The following EPM2A variants were observed in gnomAD, a reference collection of about 807,000 sequenced individuals.
The protein encoded by EPM2A is EPM2A glucan phosphatase, laforin, also known as laforin.
A neutral mutation model predicts 26.5 loss-of-function variants in EPM2A; 21 were observed. The ratio of observed to expected loss-of-function variants is 0.79; its 90% CI spans 0.56 to 1.14. EPM2A has a LOEUF of 1.14. Among genes scored for constraint, EPM2A ranks in the 50% most tolerant of loss-of-function variants. The pLI, the probability that EPM2A is intolerant of heterozygous loss-of-function variation, is 0.00. For missense variants in EPM2A, 458 were observed against 440.8 expected (o/e 1.04, Z -0.35); for synonymous variants, 217 against 177.6 (o/e 1.22, Z -1.76).
At chr6:145,452,276 T>C (rs1779204609) in intron 4 of EPM2A, among the ~76,000 whole-genome samples, 1 of 152,044 alleles carries the variant, frequency 6.6e-6, no homozygotes, top group African/African-American at 2.4e-5. Context: ...TTTCTTTACC[T>C]GCTGTGTGAC....
At chr6:145,434,889 C>G (rs1168573665) in intron 4 of EPM2A, among the ~76,000 whole-genome samples, 1 of 152,036 alleles carries the variant, frequency 6.6e-6, no homozygotes, top group Non-Finnish European at 1.5e-5. Context: ...AGGTGATTAG[C>G]TTATGGGGCA....
intron 1 of EPM2A, among the ~76,000 whole-genome samples, chr6:145,711,228 T>C (rs190672732): frequency 5.3e-5 from 8 of 152,206 alleles, no homozygotes. Flanking sequence ...ATTATAAAGT[T>C]TGTATTCCCT....
chr6:145,453,152 A>G (rs912020343), intron 4 of EPM2A, among the ~76,000 whole-genome samples: 19 of 152,156 alleles, frequency 1.2e-4, no homozygotes, highest in African/African-American at 4.6e-4. Context: ...CAGGCCCACA[A>G]TCTCTTCCTG....
At chr6:145,570,249 A>G (rs1021190758) in intron 2 of EPM2A, among the ~76,000 whole-genome samples, 1 of 152,210 alleles carries the variant, frequency 6.6e-6, no homozygotes, top group Non-Finnish European at 1.5e-5. Flanking sequence ...AGTATTAACC[A>G]TCACAAGTCC....
intron 4 of EPM2A, among the ~76,000 whole-genome samples, chr6:145,440,682 A>T (rs1055450130): frequency 7.9e-5 from 12 of 152,230 alleles, no homozygotes; most frequent in Admixed American, 1.3e-4. Context: ...GTCAAAACAA[A>T]GGGGCTAAAG....
chr6:145,425,002 C>A (rs756947829), intron 4 of EPM2A, among the ~76,000 whole-genome samples: 3 of 150,442 alleles, frequency 2.0e-5, no homozygotes, highest in Non-Finnish European at 4.4e-5. Context: ...ATCTAATCTA[C>A]GTACTGTATA....
At chr6:145,450,692 T>C (rs896913581) in intron 4 of EPM2A, among the ~76,000 whole-genome samples, 4 of 152,190 alleles carry the variant, frequency 2.6e-5, no homozygotes, top group Non-Finnish European at 4.4e-5. Flanking sequence ...CTGCAGATGC[T>C]TTATTCTGCG....
intron 2 of EPM2A, among the ~76,000 whole-genome samples, chr6:145,596,958 A>AGTCTCGG (rs1170636297): frequency 2.5e-5 from 2 of 79,456 alleles, no homozygotes; most frequent in East Asian, 6.6e-4. Context: ...GCAGTGGCGC[A>AGTCTCGG]ATCTCGGCTC....
intron 4 of EPM2A, among the ~76,000 whole-genome samples, chr6:145,420,904 A>C (rs191887444): frequency 6.6e-6 from 1 of 152,244 alleles, no homozygotes; most frequent in African/African-American, 2.4e-5. Context: ...CTCCCAAGAT[A>C]ACTAACTCAT....
chr6:145,657,089 CTTTT>C (rs5880652), intron 2 of EPM2A, among the ~76,000 whole-genome samples: 2 of 121,824 alleles, frequency 1.6e-5, no homozygotes, highest in Non-Finnish European at 3.4e-5. Context: ...GTCATTTTTC[CTTTT>C]TTTTTTTTTT....
At chr6:145,419,186 C>CCCCT (rs1554235078) in intron 4 of EPM2A, among the ~76,000 whole-genome samples, 1 of 149,772 alleles carries the variant, frequency 6.7e-6, no homozygotes, top group African/African-American at 2.5e-5. Flanking sequence ...AATGTCCCCC[C>CCCCT]CCCCCGCTCC....
intron 2 of EPM2A, among the ~76,000 whole-genome samples, chr6:145,588,145 C>T (rs1781222576): frequency 1.3e-5 from 2 of 152,100 alleles, no homozygotes; most frequent in Non-Finnish European, 2.9e-5. Flanking sequence ...AATAATGTGC[C>T]TTTATTTCCA....
At chr6:145,430,725 G>A (rs1041055625) in intron 4 of EPM2A, among the ~76,000 whole-genome samples, 1 of 152,086 alleles carries the variant, frequency 6.6e-6, no homozygotes, top group Non-Finnish European at 1.5e-5. Flanking sequence ...TCTGAGATTA[G>A]GTTTCTAAAA....
intron 1 of EPM2A, among the ~76,000 whole-genome samples, chr6:145,717,073 T>C (rs1468852987): frequency 6.6e-6 from 1 of 152,148 alleles, no homozygotes; most frequent in Admixed American, 6.5e-5. Context: ...TCTGAAACTA[T>C]TCCAATCAAT....
chr6:145,436,228 T>C (rs934623298), intron 4 of EPM2A, among the ~76,000 whole-genome samples: 19 of 152,218 alleles, frequency 1.2e-4, no homozygotes, highest in Admixed American at 1.0e-3. Flanking sequence ...ATATCACATA[T>C]TGTTTATTCA....
chr6:145,537,480 T>G (rs1780447659), intron 2 of EPM2A, among the ~76,000 whole-genome samples: 1 of 152,174 alleles, frequency 6.6e-6, no homozygotes, highest in Non-Finnish European at 1.5e-5. Flanking sequence ...CTAGAAGTAT[T>G]CCTTTAGCTA....
In EPM2A at chr6:145,680,388, AT is replaced by A. The variant is rs1297646716; in HGVS notation, c.476+5733del. Among the ~76,000 whole-genome samples the A allele has an allele frequency of 6.6e-3, 759 of 114,508 alleles. 5 individuals carry two copies. Among genetic ancestry groups the A allele is most frequent in the African/African-American group, 0.024 (724 of 30,146 alleles). The allele number at this position is 114,508 out of a possible 152,430, so 75.1% of individuals were successfully genotyped here. The stretch of plus-strand genomic sequence containing the variant: ...ATTTATTTATTTATTTATTTATTTT[AT>A]TTTATTTTATTATCATTATACTTTA... On this transcript the variant is annotated intron_variant, in intron 2 of 3. Coordinates refer to ENST00000367519, the MANE Select transcript of EPM2A (RefSeq NM_005670.4).
At chr6:145,582,558 GC>G (rs1295341416) in intron 2 of EPM2A, among the ~76,000 whole-genome samples, 1 of 152,142 alleles carries the variant, frequency 6.6e-6, no homozygotes, top group East Asian at 1.9e-4. Context: ...TAAGTCACCT[GC>G]CCCTTCTCTC....
intron 4 of EPM2A, among the ~76,000 whole-genome samples, chr6:145,486,629 T>C (rs960332642): frequency 6.6e-6 from 1 of 152,100 alleles, no homozygotes; most frequent in Non-Finnish European, 1.5e-5. Context: ...ACCACGGTTT[T>C]ATTGTGGTTC....
Sources: gnomAD v4.1 joint callset for allele counts (sites outside exome capture counted in the v4.1 genomes callset) on GRCh38, gnomAD v4.1.1 for gene constraint, MANE v1.5 for transcripts, NCBI Gene and HGNC (gene_info 2026-07-23, HGNC 2026-07-21) for gene names.